THSD7A: variants seen among roughly 807,000 people sequenced by gnomAD.
The protein encoded by THSD7A is thrombospondin type 1 domain containing 7A.
THSD7A carries 96 observed loss-of-function variants against 231.3 expected under a neutral mutation model. The observed-to-expected ratio is 0.41, with a 90% CI of 0.35 to 0.49. The LOEUF (loss-of-function observed/expected upper bound fraction) is 0.49, where lower values mean the gene tolerates loss of function less well. Among genes scored for constraint, THSD7A ranks in the 20% least tolerant of loss-of-function variants. THSD7A has a pLI of 0.05. For synonymous variants in THSD7A, 940 were observed against 743.3 expected (o/e 1.26, Z -4.30); for missense variants, 2,290 against 2,070.2 (o/e 1.11, Z -2.06).
chr7:11,820,689 T>G, intron 1 of THSD7A: 2 of 879,920 alleles, frequency 2.3e-6, no homozygotes, highest in Non-Finnish European at 3.9e-6. Flanking sequence ...GTCCCCAGTC[T>G]CGATGTCTCA....
At chr7:11,591,149 G>T (rs1780147798) in intron 3 of THSD7A, among the ~76,000 whole-genome samples, 1 of 125,488 alleles carries the variant, frequency 8.0e-6, no homozygotes, top group Non-Finnish European at 1.6e-5. Context: ...TTATTGTCAA[G>T]AATAAGATTT....
At chr7:11,586,214 T>A (rs896005014) in intron 4 of THSD7A, among the ~76,000 whole-genome samples, 55 of 152,348 alleles carry the variant, frequency 3.6e-4, no homozygotes, top group Admixed American at 3.5e-3. Flanking sequence ...ATAATTATAG[T>A]ATACTAGTGA....
chr7:11,580,010 TAGTG>T, intron 4 of THSD7A, among the ~76,000 whole-genome samples: 1 of 152,276 alleles, frequency 6.6e-6, no homozygotes, highest in East Asian at 1.9e-4. Context: ...GCAGAGATGT[TAGTG>T]AGTGATTTTG....
rs6149988 is a variant in THSD7A, at chr7:11,796,033, CATATATATATAT to C, written c.190+35712_190+35723del. On this transcript the variant is annotated intron_variant, in intron 1 of 27. Transcript: ENST00000423059. The stretch of plus-strand genomic sequence containing the variant: ...GGTACTTCTTTGAAATTAAATTAGC[CATATATATATAT>C]ATATATATATATATATATATATATA... Among the ~76,000 whole-genome samples, 653 of 107,474 alleles carry C rather than the reference CATATATATATAT, an allele frequency of 6.1e-3. 7 individuals are homozygous for C. The highest frequency in any genetic ancestry group is 0.02 in the African/African-American group (593 of 29,932). 70.5% of individuals were successfully genotyped at this position (107,474 alleles called of 152,430 possible).
intron 6 of THSD7A, among the ~76,000 whole-genome samples, chr7:11,511,262 C>A (rs901639431): frequency 6.6e-6 from 1 of 152,052 alleles, no homozygotes; most frequent in Non-Finnish European, 1.5e-5. Context: ...AACTACAAAC[C>A]ACTGCTCAAC....
rs369702407 is a variant in THSD7A, at chr7:11,694,478, A to T, written c.191-57517T>A. ...AGTTTCCAACTTAAACAGATGACCA[A>T]GATTATTCAGACACAGGTTAGAATA... On this transcript the variant is annotated intron_variant, in intron 1 of 27. Coordinates refer to ENST00000423059, the MANE Select transcript of THSD7A (RefSeq NM_015204.3). Among the ~76,000 whole-genome samples, 4 of 151,720 alleles carry T rather than the reference A, an allele frequency of 2.6e-5. No homozygotes were observed. The East Asian group carries it at 7.8e-4, about 30-fold the overall frequency.
chr7:11,610,641 A>G (rs1442203245), intron 2 of THSD7A, among the ~76,000 whole-genome samples: 1 of 152,138 alleles, frequency 6.6e-6, no homozygotes. Flanking sequence ...TTAAAAGAAG[A>G]TAATTCTATT....
chr7:11,655,211 ATAAT>A (rs1348196205), intron 1 of THSD7A, among the ~76,000 whole-genome samples: 1 of 151,580 alleles, frequency 6.6e-6, no homozygotes, highest in Non-Finnish European at 1.5e-5. Flanking sequence ...GGTTCCATAA[ATAAT>A]TAAGTAAATT....
At chr7:11,709,635 A>G (rs1230975492) in intron 1 of THSD7A, among the ~76,000 whole-genome samples, 1 of 150,936 alleles carries the variant, frequency 6.6e-6, no homozygotes, top group African/African-American at 2.4e-5. Flanking sequence ...ACAGACACAT[A>G]TGTAGTCGTT....
At chr7:11,518,879 T>C (rs968673781) in intron 6 of THSD7A, among the ~76,000 whole-genome samples, 19 of 152,154 alleles carry the variant, frequency 1.2e-4, no homozygotes, top group African/African-American at 4.6e-4. Context: ...TATAGAAACA[T>C]ATTTCATTCA....
rs1307094746 is a variant in THSD7A at position 11,370,774 on chromosome 7, AAGAC to A, written c.*5016_*5019del. The A allele has an allele frequency of 3.3e-5, 5 of 152,198 alleles. No homozygotes were observed. The highest frequency in any genetic ancestry group is 7.4e-5 in the Non-Finnish European group (5 of 68,022). The allele number at this position is 152,198 out of a possible 1,614,324, so 9.4% of individuals were successfully genotyped here. On this transcript the variant is annotated 3_prime_UTR_variant, in exon 28 of 28. Coordinates refer to ENST00000423059, the MANE Select transcript of THSD7A (RefSeq NM_015204.3). The stretch of plus-strand genomic sequence containing the variant: ...CATTTAGGGAATAATAATTTATAGA[AAGAC>A]AGATTGCAAATTTTAATAAAGTTAT...
In THSD7A at chr7:11,791,944, G is replaced by C. The variant is rs149142484; in HGVS notation, c.190+39813C>G. 4.9e-3 allele frequency among the ~76,000 whole-genome samples: 744 copies of C among 151,760 alleles called. 25 individuals are homozygous for C. Among genetic ancestry groups the C allele is most frequent in the East Asian group, 8.2e-3 (42 of 5,132 alleles). Reference sequence around the variant, plus strand: ...TTTACTAATTTGATTCTTGCTTTCTGGTGATCTATTCATTCCATAATTTCA... The same window carrying C: ...TTTACTAATTTGATTCTTGCTTTCTCGTGATCTATTCATTCCATAATTTCA... On this transcript the variant is annotated intron_variant, in intron 1 of 27. Coordinates refer to ENST00000423059, the MANE Select transcript of THSD7A (RefSeq NM_015204.3).
At chr7:11,465,658 A>G (rs1165221458) in intron 9 of THSD7A, among the ~76,000 whole-genome samples, 1 of 152,066 alleles carries the variant, frequency 6.6e-6, no homozygotes, top group Non-Finnish European at 1.5e-5. Flanking sequence ...CTCATCCAAG[A>G]AGCAAAATGT....
intron 23 of THSD7A, among the ~76,000 whole-genome samples, chr7:11,387,401 G>C (rs548068957): frequency 2.6e-5 from 4 of 152,218 alleles, no homozygotes; most frequent in Admixed American, 6.5e-5. Context: ...GCAGTGGTTT[G>C]TAGTTCTCCT....
At chr7:11,574,022 A>T (rs1166840216) in intron 4 of THSD7A, among the ~76,000 whole-genome samples, 1 of 152,196 alleles carries the variant, frequency 6.6e-6, no homozygotes, top group Non-Finnish European at 1.5e-5. Flanking sequence ...AGAGCATATG[A>T]AGGAAAAACA....
At chr7:11,527,133 T>A (rs1788508796) in intron 6 of THSD7A, among the ~76,000 whole-genome samples, 2 of 152,270 alleles carry the variant, frequency 1.3e-5, no homozygotes, top group Middle Eastern at 3.4e-3. Context: ...GGGTTGTGTA[T>A]CCTAGAGAAG....
intron 15 of THSD7A, among the ~76,000 whole-genome samples, chr7:11,425,713 C>A (rs1784295458): frequency 6.9e-6 from 1 of 144,612 alleles, no homozygotes; most frequent in Admixed American, 7.1e-5. Flanking sequence ...TGTGATAGTC[C>A]AACTCTATCC....
intron 6 of THSD7A, among the ~76,000 whole-genome samples, chr7:11,507,601 G>GTTT (rs386409516): frequency 2.6e-4 from 37 of 142,822 alleles, no homozygotes; most frequent in African/African-American, 8.7e-4. Flanking sequence ...AATAATGTGT[G>GTTT]TTTTTTTTTT....
chr7:11,498,443 CT>C, intron 6 of THSD7A, among the ~76,000 whole-genome samples: 1 of 152,290 alleles, frequency 6.6e-6, no homozygotes, highest in East Asian at 1.9e-4. Context: ...CCTCCAGCCT[CT>C]CCTGCTTGAG....
Sources: gnomAD v4.1 joint callset for allele counts (sites outside exome capture counted in the v4.1 genomes callset) on GRCh38, gnomAD v4.1.1 for gene constraint, MANE v1.5 for transcripts, NCBI Gene and HGNC (gene_info 2026-07-23, HGNC 2026-07-21) for gene names.